FUT8: variants seen among roughly 807,000 people sequenced by gnomAD.
FUT8 encodes the protein fucosyltransferase 8.
FUT8 carries 29 observed loss-of-function variants against 71.3 expected under a neutral mutation model. The ratio of observed to expected loss-of-function variants is 0.41; its 90% confidence interval spans 0.30 to 0.55. FUT8 has a LOEUF of 0.55. Ranked by LOEUF, FUT8 falls within the 20% of genes least tolerant of loss-of-function variation. FUT8 has a pLI of 0.34. For synonymous variants in FUT8, 254 were observed against 239.3 expected, an observed-to-expected ratio of 1.06 and a Z score of -0.57; for missense variants, 544 against 702.1, an observed-to-expected ratio of 0.77 and a Z score of 2.55.
rs34809476 is a variant in FUT8 at position 65,508,491 on chromosome 14, G to GTTTTTTTTTTTTTT, written c.-228+52786_-228+52799dup. On this transcript the variant is annotated intron_variant, in intron 2 of 10. Coordinates refer to ENST00000673929, the MANE Select transcript of FUT8 (RefSeq NM_001371533.1). Reference sequence around the variant, plus strand: ...AATTTTTTCCTGTAGAGTTGTTTGAGTTTTTTTTTTTTTTTTTTTTTTTTT... The same window carrying GTTTTTTTTTTTTTT: ...AATTTTTTCCTGTAGAGTTGTTTGAGTTTTTTTTTTTTTTTTTTTTTTTTTTTTTTTTTTTTTTT... Among the ~76,000 whole-genome samples the GTTTTTTTTTTTTTT allele has an allele frequency of 8.6e-5, 4 of 46,498 alleles. 1 individual carries two copies. The highest frequency in any genetic ancestry group is 1.7e-4 in the African/African-American group (2 of 11,838). 30.5% of individuals were successfully genotyped at this position (46,498 alleles called of 152,430 possible). A position where few individuals can be genotyped will look rare whatever the true frequency, so the allele number is the denominator to read the frequency against.
chr14:65,359,677 G>T, the FUT8 span, among the ~76,000 whole-genome samples: 1 of 152,138 alleles, frequency 6.6e-6, no homozygotes, highest in African/African-American at 2.4e-5. Flanking sequence ...CCCTTTTAAG[G>T]CTGAATAATA....
chr14:65,415,485 T>C (rs2065206201), intron 1 of FUT8, among the ~76,000 whole-genome samples: 1 of 152,226 alleles, frequency 6.6e-6, no homozygotes, highest in East Asian at 1.9e-4. Flanking sequence ...TAGTATTTTC[T>C]TAACCTTCTT....
intron 2 of FUT8, among the ~76,000 whole-genome samples, chr14:65,471,391 G>A (rs1473005634): frequency 3.3e-5 from 5 of 151,954 alleles, no homozygotes; most frequent in South Asian, 4.2e-4. Flanking sequence ...TAAAGTTCCT[G>A]GCGTATTTCA....
At position 65,590,374 on chromosome 14, in the gene FUT8, A is replaced by G. The variant is rs139478161; in HGVS notation, c.204-25604A>G. Reference sequence around the variant, plus strand: ...TAAAAAGAAACTCACATGGAAGGGGATGAGTTTATGCTGAAATCCAAACAT... The same window carrying G: ...TAAAAAGAAACTCACATGGAAGGGGGTGAGTTTATGCTGAAATCCAAACAT... On this transcript the variant is annotated intron_variant, in intron 3 of 10. Transcript: ENST00000673929. Among the ~76,000 whole-genome samples the G allele has an allele frequency of 2.8e-3, 431 of 152,348 alleles. 2 individuals are homozygous for G. Among genetic ancestry groups the G allele is most frequent in the African/African-American group, 9.9e-3 (410 of 41,568 alleles).
At chr14:65,464,402 G>A (rs1449426251) in intron 2 of FUT8, among the ~76,000 whole-genome samples, 1 of 151,946 alleles carries the variant, frequency 6.6e-6, no homozygotes, top group African/African-American at 2.4e-5. Flanking sequence ...ATGTTGAATA[G>A]GAGTGGTAAG....
chr14:65,610,421 C>A (rs558492996), intron 3 of FUT8, among the ~76,000 whole-genome samples: 6 of 148,050 alleles, frequency 4.1e-5, no homozygotes, highest in African/African-American at 1.5e-4. Context: ...CAAAGTTTCG[C>A]TCTTGTTGCC....
At chr14:65,356,901 C>T in the FUT8 span, among the ~76,000 whole-genome samples, 1 of 152,216 alleles carries the variant, frequency 6.6e-6, no homozygotes, top group Non-Finnish European at 1.5e-5. The surrounding 1 kb of genome is among the most constrained non-coding windows in gnomAD (Gnocchi z 4.6). Flanking sequence ...ACTGAGGCCA[C>T]TACTGCTGGC....
chr14:65,447,740 A>C (rs1311702599), intron 1 of FUT8, among the ~76,000 whole-genome samples: 14 of 152,096 alleles, frequency 9.2e-5, no homozygotes, highest in Admixed American at 9.2e-4. Context: ...AGAATTTTAG[A>C]TCTGGAGGAG....
intron 3 of FUT8, among the ~76,000 whole-genome samples, chr14:65,568,119 C>CT (rs1305530425): frequency 1.3e-5 from 2 of 150,680 alleles, no homozygotes; most frequent in African/African-American, 2.4e-5. Context: ...CTGTTCAGCT[C>CT]TTTTTTTTTC....
At chr14:65,646,390 T>C (rs1891125841) in intron 6 of FUT8, 1 of 152,234 alleles carries the variant, frequency 6.6e-6, no homozygotes. Flanking sequence ...CTGTCTCTAA[T>C]ACAAAGATAT....
intron 6 of FUT8, among the ~76,000 whole-genome samples, chr14:65,650,720 A>AAC (rs56246445): frequency 0.053 from 6,923 of 131,214 alleles, 218 homozygotes; most frequent in Admixed American, 0.11. Flanking sequence ...AAAAAAAAAA[A>AAC]AAAAAAAAAC....
At chr14:65,697,547 G>C (rs1429578148) in intron 7 of FUT8, among the ~76,000 whole-genome samples, 2 of 152,208 alleles carry the variant, frequency 1.3e-5, no homozygotes, top group African/African-American at 4.8e-5. Flanking sequence ...GATCTGTTGA[G>C]TATGAATTGA....
rs1344909332 is a variant in FUT8 at position 65,743,023 on chromosome 14, A to T, written c.*613A>T. ...CATTAATAAGTGAAGAATACATCAG[A>T]AAATAAAATATTCACTCTCCATTAG... On this transcript the variant is annotated 3_prime_UTR_variant, in exon 11 of 11. Coordinates refer to ENST00000673929, the MANE Select transcript of FUT8 (RefSeq NM_001371533.1). The T allele has an allele frequency of 7.9e-5, 12 of 152,116 alleles. No individual in the cohort carries two copies. Among genetic ancestry groups the T allele is most frequent in the Admixed American group, 7.9e-4 (12 of 15,218 alleles). 9.4% of individuals were successfully genotyped at this position (152,116 alleles called of 1,614,324 possible). A position where few individuals can be genotyped will look rare whatever the true frequency, so the allele number is the denominator to read the frequency against.
At chr14:65,634,690 G>A (rs535162708) in intron 6 of FUT8, among the ~76,000 whole-genome samples, 105 of 151,952 alleles carry the variant, frequency 6.9e-4, no homozygotes, top group African/African-American at 2.5e-3. Flanking sequence ...ATTGGTCTAT[G>A]TGCCTATTTT....
the FUT8 span, among the ~76,000 whole-genome samples, chr14:65,363,161 T>A: frequency 6.6e-6 from 1 of 152,116 alleles, no homozygotes; most frequent in Non-Finnish European, 1.5e-5. Flanking sequence ...TCACTCTGTC[T>A]CCTAGGCTGG....
intron 2 of FUT8, among the ~76,000 whole-genome samples, chr14:65,492,700 T>C (rs767930054): frequency 6.6e-6 from 1 of 152,140 alleles, no homozygotes; most frequent in South Asian, 2.1e-4. Context: ...TTGTAGACTT[T>C]AGATTTCAGG....
At chr14:65,670,634 C>CT (rs1054968997) in intron 7 of FUT8, among the ~76,000 whole-genome samples, 2 of 151,800 alleles carry the variant, frequency 1.3e-5, no homozygotes, top group African/African-American at 4.8e-5. Context: ...GGCTAAGCAC[C>CT]TTTTTTCACG....
upstream of FUT8, among the ~76,000 whole-genome samples, chr14:65,405,927 CT>C (rs1466581971): frequency 3.9e-5 from 6 of 152,238 alleles, no homozygotes; most frequent in African/African-American, 1.4e-4. Context: ...AGGTGTCCCC[CT>C]CTTGACCAAT....
At chr14:65,740,525 A>G (rs1896443630) in intron 10 of FUT8, among the ~76,000 whole-genome samples, 1 of 151,982 alleles carries the variant, frequency 6.6e-6, no homozygotes, top group African/African-American at 2.4e-5. Flanking sequence ...AGACTGGGCA[A>G]TTTATAAAGA....
Sources: gnomAD v4.1 joint callset for allele counts (sites outside exome capture counted in the v4.1 genomes callset) on GRCh38, gnomAD v4.1.1 for gene constraint, Gnocchi (gnomAD v3.1) non-coding constraint, MANE v1.5 for transcripts, NCBI Gene and HGNC (gene_info 2026-07-23, HGNC 2026-07-21) for gene names.